HPSE2: variants seen among roughly 807,000 people sequenced by gnomAD.
The protein encoded by HPSE2 is inactive heparanase-2.
Under a neutral mutation model 60.5 loss-of-function variants are expected in HPSE2, and 38 were observed. The ratio of observed to expected loss-of-function variants is 0.63; its 90% CI spans 0.48 to 0.82. HPSE2 has a LOEUF of 0.82. Among genes scored for constraint, HPSE2 ranks in the 40% least tolerant of loss-of-function variants. HPSE2 has a pLI of 0.00. For missense variants in HPSE2, 713 were observed against 740.4 expected, an observed-to-expected ratio of 0.96 and a Z score of 0.43; for synonymous variants, 295 against 293.2, an observed-to-expected ratio of 1.01 and a Z score of -0.06.
At position 98,658,912 on chromosome 10, in the gene HPSE2, G is replaced by GT. The variant is rs11358600; in HGVS notation, c.1005-16973dup. On this transcript the variant is annotated intron_variant, in intron 6 of 11. Coordinates refer to ENST00000370552, the MANE Select transcript of HPSE2 (RefSeq NM_021828.5). ...ATGTATCTTGATTGATACTGGCAGAGTTTTTTTTTTTTTTTTAATTGAGAT... is the reference window on the plus strand; with the variant it reads ...ATGTATCTTGATTGATACTGGCAGAGTTTTTTTTTTTTTTTTTAATTGAGAT... Among the ~76,000 whole-genome samples, 420 of 140,146 alleles carry GT rather than the reference G, an allele frequency of 3.0e-3. 1 individual carries two copies. The highest frequency in any genetic ancestry group is 0.01 in the South Asian group (44 of 4,384). The allele number at this position is 140,146 out of a possible 152,430, so 91.9% of individuals were successfully genotyped here.
At chr10:98,948,224 G>T (rs538310282) in intron 3 of HPSE2, among the ~76,000 whole-genome samples, 8 of 152,266 alleles carry the variant, frequency 5.3e-5, no homozygotes, top group African/African-American at 1.9e-4. Flanking sequence ...ACTGTGCCCA[G>T]ATTTTGTGCA....
At chr10:99,133,299 C>G (rs1845518619) in intron 3 of HPSE2, among the ~76,000 whole-genome samples, 1 of 152,206 alleles carries the variant, frequency 6.6e-6, no homozygotes, top group Admixed American at 6.5e-5. Context: ...AAAGGGGCAG[C>G]TGTGGGTGCA....
At chr10:99,223,705 T>C (rs1043687786) in intron 2 of HPSE2, among the ~76,000 whole-genome samples, 1 of 152,330 alleles carries the variant, frequency 6.6e-6, no homozygotes, top group Admixed American at 6.5e-5. Flanking sequence ...TGTGTAACAA[T>C]AGCAGTGTAT....
chr10:98,829,719 A>G (rs918118372), intron 3 of HPSE2, among the ~76,000 whole-genome samples: 1 of 152,104 alleles, frequency 6.6e-6, no homozygotes, highest in African/African-American at 2.4e-5. Context: ...CAAACAAAAA[A>G]CCAAAAACTT....
chr10:99,255,741 G>A, the HPSE2 span, among the ~76,000 whole-genome samples: 1 of 152,132 alleles, frequency 6.6e-6, no homozygotes, highest in Non-Finnish European at 1.5e-5. Context: ...CATATTTAAT[G>A]GCAAAAGACT....
intron 11 of HPSE2, among the ~76,000 whole-genome samples, chr10:98,468,620 CT>C (rs1940653846): frequency 6.6e-6 from 1 of 152,024 alleles, no homozygotes; most frequent in African/African-American, 2.4e-5. Context: ...GTCATTTTGT[CT>C]GCTACTGACT....
chr10:98,707,039 G>A (rs1211587312), intron 5 of HPSE2, among the ~76,000 whole-genome samples: 1 of 151,820 alleles, frequency 6.6e-6, no homozygotes. Context: ...AAAGATACTG[G>A]TGAAGATAAG....
chr10:99,299,231 C>A, the HPSE2 span, among the ~76,000 whole-genome samples: 1 of 152,138 alleles, frequency 6.6e-6, no homozygotes, highest in South Asian at 2.1e-4. Context: ...TCATCCAACA[C>A]GCCCTGGTCC....
At chr10:99,193,357 G>C (rs1305042488) in intron 2 of HPSE2, among the ~76,000 whole-genome samples, 1 of 151,956 alleles carries the variant, frequency 6.6e-6, no homozygotes, top group Admixed American at 6.6e-5. Context: ...CAGGAAGAAG[G>C]AAAGAAGGAA....
At chr10:99,257,859 T>C in the HPSE2 span, among the ~76,000 whole-genome samples, 2 of 152,148 alleles carry the variant, frequency 1.3e-5, no homozygotes, top group Non-Finnish European at 2.9e-5. Flanking sequence ...ATACCCAGCT[T>C]TAAAATTTCT....
chr10:98,501,537 C>T (rs1236952817), intron 9 of HPSE2, among the ~76,000 whole-genome samples: 1 of 152,136 alleles, frequency 6.6e-6, no homozygotes, highest in Non-Finnish European at 1.5e-5. Flanking sequence ...AATCAGTATA[C>T]AAGGGACATA....
chr10:99,298,335 A>C, the HPSE2 span, among the ~76,000 whole-genome samples: 5 of 152,238 alleles, frequency 3.3e-5, no homozygotes, highest in African/African-American at 4.8e-5. Context: ...ATCAATAGAA[A>C]GTGGGAAATG....
chr10:98,895,140 A>T (rs1259335855), intron 3 of HPSE2, among the ~76,000 whole-genome samples: 2 of 152,152 alleles, frequency 1.3e-5, no homozygotes, highest in African/African-American at 4.8e-5. Flanking sequence ...CTGAGAGTAA[A>T]CACTGAAATT....
At chr10:99,235,473 C>T (rs1849807666) in intron 1 of HPSE2, 40 bp downstream of exon 1, 2 of 1,604,914 alleles carry the variant, frequency 1.2e-6, no homozygotes, top group Non-Finnish European at 1.7e-6. Flanking sequence ...GGGGGTGTTA[C>T]TAAAAAATTT....
chr10:98,854,493 A>G (rs1306780581), intron 3 of HPSE2, among the ~76,000 whole-genome samples: 1 of 152,218 alleles, frequency 6.6e-6, no homozygotes, highest in African/African-American at 2.4e-5. Context: ...ATGACACACT[A>G]AAGACCTAGT....
intron 5 of HPSE2, among the ~76,000 whole-genome samples, chr10:98,701,647 A>G (rs890347590): frequency 4.0e-5 from 2 of 50,476 alleles, no homozygotes; most frequent in Non-Finnish European, 1.0e-4. Context: ...TAATAATAAT[A>G]AAATAAAATA....
intron 11 of HPSE2, among the ~76,000 whole-genome samples, chr10:98,461,432 T>G (rs1470590052): frequency 6.6e-6 from 1 of 152,222 alleles, no homozygotes; most frequent in Non-Finnish European, 1.5e-5. Flanking sequence ...AGGTCAGTGT[T>G]GACCGCATCA....
chr10:98,532,253 G>A (rs1402355392), intron 9 of HPSE2, among the ~76,000 whole-genome samples: 1 of 152,140 alleles, frequency 6.6e-6, no homozygotes, highest in Non-Finnish European at 1.5e-5. Context: ...CAAATTGTTT[G>A]TTATGTACGA....
At chr10:99,114,293 G>A (rs1308904378) in intron 3 of HPSE2, among the ~76,000 whole-genome samples, 1 of 152,150 alleles carries the variant, frequency 6.6e-6, no homozygotes, top group Non-Finnish European at 1.5e-5. Context: ...GGAAAGAGCT[G>A]TCTGCATTTA....
Sources: gnomAD v4.1 joint callset for allele counts (sites outside exome capture counted in the v4.1 genomes callset) on GRCh38, gnomAD v4.1.1 for gene constraint, MANE v1.5 for transcripts, NCBI Gene and HGNC (gene_info 2026-07-23, HGNC 2026-07-21) for gene names.